SYTL3: variants seen among roughly 807,000 people sequenced by gnomAD.
SYTL3 encodes the protein synaptotagmin-like protein 3.
A neutral mutation model predicts 82.1 loss-of-function variants in SYTL3; 88 were observed. That is an observed-to-expected ratio of 1.07 (90% CI 0.90 to 1.28). SYTL3 has a LOEUF of 1.28. Among genes scored for constraint, SYTL3 ranks in the 50% most tolerant of loss-of-function variants. The probability of loss-of-function intolerance (pLI) is 0.00; values close to 1 mark genes in which losing one functional copy is unlikely to be tolerated. For missense variants in SYTL3, 831 were observed against 757.6 expected, an observed-to-expected ratio of 1.10 and a Z score of -1.14; for synonymous variants, 311 against 289.4, an observed-to-expected ratio of 1.07 and a Z score of -0.76.
chr6:158,670,963 C>T (rs1312926121), intron 5 of SYTL3, among the ~76,000 whole-genome samples: 6 of 151,870 alleles, frequency 4.0e-5, no homozygotes, highest in East Asian at 2.0e-4. Context: ...CCACCAAGCC[C>T]GGCTAATTTT....
intron 10 of SYTL3, among the ~76,000 whole-genome samples, chr6:158,719,247 C>T (rs1194686589): frequency 6.6e-6 from 1 of 152,132 alleles, no homozygotes; most frequent in Admixed American, 6.6e-5. Flanking sequence ...TCTTCATAAC[C>T]ACCATCTAGG....
chr6:158,745,575 C>T lies in SYTL3; in HGVS notation c.951C>T (p.Cys317=). The change falls in exon 12 of 18, where the codon TGC becomes TGT. Residue 317 remains cysteine (C), a synonymous_variant. Coordinates refer to ENST00000611299, the MANE Select transcript of SYTL3 (RefSeq NM_001242394.2). ...AAATAGAATTTGCCATTCATTATTG[C>T]TTCAAAACCCATTCTTTAGAAATAT... ...TGEIEFAIHY[C]FKTHSLEICI... 1 of 1,613,720 alleles carries T rather than the reference C, an allele frequency of 6.2e-7. No homozygotes were observed. Among genetic ancestry groups the T allele is most frequent in the Non-Finnish European group, 8.5e-7 (1 of 1,179,924 alleles).
intron 6 of SYTL3, among the ~76,000 whole-genome samples, chr6:158,685,177 TTC>T (rs1183785344): frequency 2.0e-5 from 3 of 151,892 alleles, no homozygotes; most frequent in Non-Finnish European, 4.4e-5. Context: ...CACAGGACTT[TTC>T]TCTGTTTTTA....
intron 5 of SYTL3, among the ~76,000 whole-genome samples, chr6:158,681,808 T>C (rs769049830): frequency 4.6e-5 from 7 of 152,222 alleles, no homozygotes; most frequent in Non-Finnish European, 7.3e-5. Flanking sequence ...TCTTGGAGAA[T>C]GTTGTAAACA....
upstream of SYTL3, among the ~76,000 whole-genome samples, chr6:158,649,772 G>A (rs1404344843): frequency 6.6e-6 from 1 of 152,250 alleles, no homozygotes; most frequent in Non-Finnish European, 1.5e-5. Flanking sequence ...TGTAGTCTCT[G>A]TAGGGAGTTT....
At chr6:158,752,092 C>A in intron 13 of SYTL3, 62 bp downstream of exon 13, 1 of 1,217,034 alleles carries the variant, frequency 8.2e-7, no homozygotes, top group Non-Finnish European at 1.1e-6. Flanking sequence ...GCGCCTGGGG[C>A]AGAGTCCAGT....
At chr6:158,723,522 C>T (rs903345268) in intron 10 of SYTL3, among the ~76,000 whole-genome samples, 2 of 151,628 alleles carry the variant, frequency 1.3e-5, no homozygotes, top group East Asian at 3.9e-4. Context: ...TTTTTTTCCT[C>T]GAAATGTTTA....
At chr6:158,711,390 G>A (rs1782747687) in intron 8 of SYTL3, among the ~76,000 whole-genome samples, 1 of 152,146 alleles carries the variant, frequency 6.6e-6, no homozygotes. Flanking sequence ...AGATACATGA[G>A]AGGAGTCTTA....
At chr6:158,671,082 G>T (rs550191304) in intron 5 of SYTL3, among the ~76,000 whole-genome samples, 1 of 152,030 alleles carries the variant, frequency 6.6e-6, no homozygotes, top group Non-Finnish European at 1.5e-5. Context: ...GAGATTACAG[G>T]CGTGAGCCAC....
Position 158,760,714 on chromosome 6 carries a change from A to G in SYTL3, c.1383A>G (p.Ser461=). 6.2e-7 allele frequency: 1 copy of G among 1,614,126 alleles called. No homozygotes were observed. Among genetic ancestry groups the G allele is most frequent in the African/African-American group, 1.3e-5 (1 of 75,036 alleles). ...LTVRAKLVLP[S]RPRKLQEAQE... ...TCCGGGCTAAGCTGGTTCTCCCTTC[A>G]CGGCCCAGAAAACTCCAAGAGGCTC... The change falls in exon 15 of 18, where the codon TCA becomes TCG. Residue 461 remains serine, a synonymous_variant. Transcript: ENST00000611299.
At chr6:158,707,167 T>C in intron 6 of SYTL3, 63 bp from the exon 7 acceptor site, 1 of 1,472,228 alleles carries the variant, frequency 6.8e-7, no homozygotes, top group Admixed American at 1.7e-5. Context: ...TACTATTTCC[T>C]GTATTTACAT....
At chr6:158,753,132 A>T (rs1445907980) in intron 13 of SYTL3, among the ~76,000 whole-genome samples, 1 of 128,706 alleles carries the variant, frequency 7.8e-6, no homozygotes, top group African/African-American at 3.1e-5. Flanking sequence ...CCCAGGCTGG[A>T]GTGCAGTGAC....
At chr6:158,764,037 T>C (rs562830573) in intron 17 of SYTL3, among the ~76,000 whole-genome samples, 1 of 152,254 alleles carries the variant, frequency 6.6e-6, no homozygotes, top group Non-Finnish European at 1.5e-5. Flanking sequence ...GACCTCCAAC[T>C]GAGAACCAGT....
intron 13 of SYTL3, among the ~76,000 whole-genome samples, chr6:158,753,236 G>A (rs1459783940): frequency 1.3e-5 from 2 of 151,560 alleles, no homozygotes; most frequent in East Asian, 3.9e-4. Flanking sequence ...TACCCACCAC[G>A]ATGGCCAGCA....
At chr6:158,696,470 T>C (rs945790505) in intron 6 of SYTL3, among the ~76,000 whole-genome samples, 1 of 152,002 alleles carries the variant, frequency 6.6e-6, no homozygotes, top group Non-Finnish European at 1.5e-5. Context: ...CCCAAAGTGC[T>C]GGGATTACAG....
At chr6:158,711,396 T>C (rs991924579) in intron 8 of SYTL3, among the ~76,000 whole-genome samples, 3 of 151,650 alleles carry the variant, frequency 2.0e-5, no homozygotes, top group African/African-American at 7.3e-5. Context: ...ATGAGAGGAG[T>C]CTTACTAGGG....
At chr6:158,701,639 G>T (rs1055128734) in intron 6 of SYTL3, among the ~76,000 whole-genome samples, 1 of 151,724 alleles carries the variant, frequency 6.6e-6, no homozygotes, top group African/African-American at 2.4e-5. Flanking sequence ...CGAAGGAGAT[G>T]GGGGTGGCAG....
At chr6:158,736,847 A>G (rs1190861125) in intron 11 of SYTL3, among the ~76,000 whole-genome samples, 1 of 151,996 alleles carries the variant, frequency 6.6e-6, no homozygotes, top group African/African-American at 2.4e-5. Flanking sequence ...AGGATGATTA[A>G]CAGACAGTTT....
intron 11 of SYTL3, among the ~76,000 whole-genome samples, chr6:158,743,631 A>C (rs1212164119): frequency 1.2e-5 from 1 of 82,336 alleles, no homozygotes; most frequent in Non-Finnish European, 2.4e-5. Flanking sequence ...TTTTTGGTAG[A>C]GATGGGGTTT....
Sources: allele counts gnomAD v4.1 joint callset (sites outside exome capture counted in the v4.1 genomes callset), GRCh38; gene constraint gnomAD v4.1.1; transcripts MANE v1.5; gene names NCBI Gene and HGNC (gene_info 2026-07-23, HGNC 2026-07-21).